The following VIRMA variants were observed in gnomAD, a reference collection of about 807,000 sequenced individuals.
The protein encoded by VIRMA is vir like m6A methyltransferase associated.
A neutral mutation model predicts 182.4 loss-of-function variants in VIRMA; 65 were observed. The observed-to-expected ratio is 0.36, with a 90% CI of 0.29 to 0.44. The LOEUF (loss-of-function observed/expected upper bound fraction) is 0.44, where lower values mean the gene tolerates loss of function less well. Ranked by LOEUF, VIRMA falls within the 20% of genes least tolerant of loss-of-function variation. The probability of loss-of-function intolerance (pLI) is 1.00; values close to 1 mark genes in which losing one functional copy is unlikely to be tolerated. For synonymous variants in VIRMA, 709 were observed against 743.1 expected (o/e 0.95, Z 0.75); for missense variants, 1,752 against 2,158.1 (o/e 0.81, Z 3.73).
At chr8:94,509,659 G>C in intron 15 of VIRMA, 29 bp downstream of exon 15, 1 of 1,589,522 alleles carries the variant, frequency 6.3e-7, no homozygotes, top group South Asian at 1.2e-5. Flanking sequence ...CACATGCAGA[G>C]AGAGACTTTA....
intron 2 of VIRMA, among the ~76,000 whole-genome samples, chr8:94,540,127 T>G (rs1815487437): frequency 6.6e-6 from 1 of 152,224 alleles, no homozygotes; most frequent in African/African-American, 2.4e-5. Flanking sequence ...AACCTTGATA[T>G]GCGAACAGAT....
At chr8:94,509,104 A>AGAAT (rs1814263839) in intron 15 of VIRMA, among the ~76,000 whole-genome samples, 3 of 152,312 alleles carry the variant, frequency 2.0e-5, no homozygotes, top group African/African-American at 7.2e-5. Context: ...ATGAAATTTA[A>AGAAT]GAATGACTTG....
intron 14 of VIRMA, 23 bp downstream of exon 14, chr8:94,510,394 T>C (rs567525569): frequency 1.3e-6 from 2 of 1,584,404 alleles, no homozygotes; most frequent in Non-Finnish European, 8.6e-7. Context: ...GAGGAAAAAA[T>C]TTTTAATGCA....
At chr8:94,538,450 G>T in intron 2 of VIRMA, 104 bp from the exon 3 acceptor site, 1 of 674,330 alleles carries the variant, frequency 1.5e-6, no homozygotes, top group Non-Finnish European at 2.6e-6. Flanking sequence ...TCTAGAATTA[G>T]AATATGATGT....
Position 94,527,054 on chromosome 8 carries a change from C to T in VIRMA, c.1190G>A (p.Gly397Asp). ...TTCTAAAGCTGTTACCCATTTTGCACCTCTATCTTCTCTATACAAATCTAA... is the reference window on the plus strand; with the variant it reads ...TTCTAAAGCTGTTACCCATTTTGCATCTCTATCTTCTCTATACAAATCTAA... The part of the protein sequence containing the change: ...ELLDLYREDR[G>D]AKWVTALEEI... Residue 397 changes from glycine to aspartate, a missense_variant, in exon 8 of 24, where the codon GGT becomes GAT. Physicochemically the swap from Gly to Asp is moderately conservative, Grantham distance 94. Transcript: ENST00000297591. The T allele has an allele frequency of 1.2e-6, 2 of 1,614,144 alleles. No individual in the cohort carries two copies. The highest frequency in any genetic ancestry group is 1.7e-6 in the Non-Finnish European group (2 of 1,180,010).
intron 11 of VIRMA, among the ~76,000 whole-genome samples, chr8:94,514,533 A>C (rs1814490865): frequency 6.6e-6 from 1 of 152,224 alleles, no homozygotes; most frequent in Non-Finnish European, 1.5e-5. Context: ...AGTTTAGCTA[A>C]ACAGTTATAT....
intron 13 of VIRMA, 73 bp downstream of exon 13, chr8:94,511,112 T>C: frequency 1.3e-6 from 2 of 1,540,360 alleles, no homozygotes; most frequent in Non-Finnish European, 1.7e-6. Context: ...TTTTGTTTTT[T>C]AACAAAATCA....
At chr8:94,540,925 A>G (rs776641452) in intron 2 of VIRMA, among the ~76,000 whole-genome samples, 9 of 152,172 alleles carry the variant, frequency 5.9e-5, no homozygotes, top group Non-Finnish European at 1.3e-4. Context: ...TGCACTAGCC[A>G]GTTATCTTAC....
Position 94,509,647 on chromosome 8 carries a change from T to C in VIRMA, c.3879+41A>G, listed in dbSNP as rs78076221. 64,092 of 1,518,978 alleles carry C rather than the reference T, an allele frequency of 0.042. 642 individuals are homozygous for C. The highest frequency in any genetic ancestry group is 0.047 in the Non-Finnish European group (52,503 of 1,123,776). The allele number at this position is 1,518,978 out of a possible 1,614,324, so 94.1% of individuals were successfully genotyped here. A position where few individuals can be genotyped will look rare whatever the true frequency, so the allele number is the denominator to read the frequency against. On this transcript the variant is annotated intron_variant, in intron 15 of 23. Coordinates refer to ENST00000297591, the MANE Select transcript of VIRMA (RefSeq NM_015496.5). ...AAATACACACACACACACACACACA[T>C]ACACATGCAGAGAGAGACTTTATAA...
chr8:94,496,269 T>TA (rs1813770870), intron 18 of VIRMA, 59 bp downstream of exon 18: 1 of 1,434,394 alleles, frequency 7.0e-7, no homozygotes. Flanking sequence ...GAAATACTTG[T>TA]ACTAGTCAAA....
In VIRMA at chr8:94,491,618, G is replaced by C. The variant is rs1461519398; in HGVS notation, c.5100C>G (p.Phe1700Leu). Residue 1700 changes from phenylalanine to leucine, a missense_variant, in exon 22 of 24, where the codon TTC (phenylalanine) becomes TTG (leucine). By Grantham distance (22) the Phe-to-Leu change is conservative. Transcript: ENST00000297591. ...GTGTGAAAAACCTATTCTGACTGTGGAAAGCACCCCGTCCTCCTCTATTGC... is the reference window on the plus strand; with the variant it reads ...GTGTGAAAAACCTATTCTGACTGTGCAAAGCACCCCGTCCTCCTCTATTGC... ...FSGNRGGRGAFHSQNRFFTPP... is the reference protein window; with the variant it reads ...FSGNRGGRGALHSQNRFFTPP... 1 of 1,614,008 alleles carries C rather than the reference G, an allele frequency of 6.2e-7. No individual in the cohort carries two copies. The highest frequency in any genetic ancestry group is 2.2e-5 in the East Asian group (1 of 44,878).
intron 2 of VIRMA, among the ~76,000 whole-genome samples, chr8:94,539,306 C>A (rs1035402029): frequency 6.6e-6 from 1 of 152,098 alleles, no homozygotes; most frequent in Non-Finnish European, 1.5e-5. Flanking sequence ...GCATCACAGC[C>A]CTAAGTTGTG....
intron 4 of VIRMA, among the ~76,000 whole-genome samples, chr8:94,536,652 AAT>A (rs1268588911): frequency 1.3e-5 from 2 of 152,210 alleles, no homozygotes; most frequent in African/African-American, 4.8e-5. Context: ...TGCATTATAA[AAT>A]AGTGTCTAGG....
intron 7 of VIRMA, among the ~76,000 whole-genome samples, chr8:94,528,268 C>G (rs1452945866): frequency 1.4e-5 from 2 of 146,400 alleles, no homozygotes; most frequent in Non-Finnish European, 3.0e-5. Context: ...AAAAAGAAAA[C>G]TGCCTGCCTA....
In VIRMA at chr8:94,534,934, C is replaced by T; in HGVS notation, c.389G>A (p.Arg130Lys). 6.2e-7 allele frequency: 1 copy of T among 1,614,020 alleles called. No homozygotes were observed. Among genetic ancestry groups the T allele is most frequent in the African/African-American group, 1.3e-5 (1 of 75,002 alleles). The change falls in exon 5 of 24, where the codon AGA (arginine) becomes AAA (lysine). Residue 130 changes from arginine to lysine, a missense_variant. Transcript: ENST00000297591. The part of the protein sequence containing the change: ...LTLAIYGSVD[R>K]VISHDRDSPP... ...AGAGTCTCTGTCATGACTTATCACT[C>T]TATCCACTGATCCATATATTGCCAG...
intron 4 of VIRMA, 34 bp downstream of exon 4, chr8:94,537,069 T>C: frequency 7.0e-7 from 1 of 1,419,442 alleles, no homozygotes. Flanking sequence ...GAGCAAATAG[T>C]AATGACAAGC....
At chr8:94,492,619 G>C (rs1813642865) in intron 21 of VIRMA, 33 bp downstream of exon 21, 1 of 1,573,858 alleles carries the variant, frequency 6.4e-7, no homozygotes, top group Non-Finnish European at 8.7e-7. Flanking sequence ...CTTATGTGAT[G>C]ACATTTGAGA....
Position 94,510,289 on chromosome 8 carries a change from A to G in VIRMA, c.3626+128T>C, listed in dbSNP as rs967672967. ...TATTCATATGTGTGCATATGTAGGT[A>G]TATGTGTATATTTACATGTATATAT... On this transcript the variant is annotated intron_variant, in intron 14 of 23. Coordinates refer to ENST00000297591, the MANE Select transcript of VIRMA (RefSeq NM_015496.5). 3 of 654,540 alleles carry G rather than the reference A, an allele frequency of 4.6e-6. No individual in the cohort carries two copies. In the African/African-American group the frequency reaches 5.5e-5, roughly 12 times the overall value. The allele number at this position is 654,540 out of a possible 1,614,324, so 40.5% of individuals were successfully genotyped here.
intron 1 of VIRMA, among the ~76,000 whole-genome samples, chr8:94,544,237 C>A (rs1028205916): frequency 6.6e-6 from 1 of 152,158 alleles, no homozygotes; most frequent in African/African-American, 2.4e-5. Flanking sequence ...AAATGCCTTT[C>A]AGAATCCTGA....
Sources: allele counts gnomAD v4.1 joint callset (sites outside exome capture counted in the v4.1 genomes callset), GRCh38; gene constraint gnomAD v4.1.1; transcripts MANE v1.5; gene names NCBI Gene and HGNC (gene_info 2026-07-23, HGNC 2026-07-21).